The following UBIAD1 variants were observed in gnomAD, a reference collection of about 807,000 sequenced individuals.
The protein encoded by UBIAD1 is UbiA prenyltransferase domain containing 1.
UBIAD1 carries 12 observed loss-of-function variants against 20.1 expected under a neutral mutation model. The ratio of observed to expected loss-of-function variants is 0.60; its 90% CI spans 0.38 to 0.97. The LOEUF is 0.97. Among genes scored for constraint, UBIAD1 ranks in the 50% least tolerant of loss-of-function variants. UBIAD1 has a pLI of 0.00. For synonymous variants in UBIAD1, 207 were observed against 189.2 expected (o/e 1.09, Z -0.77); for missense variants, 333 against 419.5 (o/e 0.79, Z 1.80).
chr1:11,274,103 T>A, intron 1 of UBIAD1, 43 bp downstream of exon 1: 1 of 1,611,904 alleles, frequency 6.2e-7, no homozygotes, highest in Non-Finnish European at 8.5e-7. Flanking sequence ...CTTAGTCGCG[T>A]CCACTGGAAA....
downstream of UBIAD1, among the ~76,000 whole-genome samples, chr1:11,296,298 T>A (rs1376195170): frequency 6.6e-6 from 1 of 152,036 alleles, no homozygotes; most frequent in Non-Finnish European, 1.5e-5. Context: ...GGCTTTCGAG[T>A]CTGGCAGCAC....
At chr1:11,290,684 A>G (rs887531433), downstream of UBIAD1, among the ~76,000 whole-genome samples, 29 of 152,206 alleles carry the variant, frequency 1.9e-4, no homozygotes. Flanking sequence ...TTACTCCTGT[A>G]TTAAAACCAC....
At chr1:11,277,701 A>T (rs1404336915) in intron 1 of UBIAD1, among the ~76,000 whole-genome samples, 6 of 152,184 alleles carry the variant, frequency 3.9e-5, no homozygotes, top group Non-Finnish European at 8.8e-5. Context: ...AGGCTGGAGT[A>T]CAATGGCACG....
intron 1 of UBIAD1, among the ~76,000 whole-genome samples, chr1:11,277,004 A>G (rs1004818582): frequency 2.6e-5 from 4 of 152,116 alleles, no homozygotes; most frequent in African/African-American, 9.7e-5. Flanking sequence ...TGGGAGGCTG[A>G]GGCAGGCAGA....
intron 1 of UBIAD1, among the ~76,000 whole-genome samples, chr1:11,274,873 G>A (rs1651950027): frequency 6.6e-6 from 1 of 151,200 alleles, no homozygotes; most frequent in South Asian, 2.1e-4. Flanking sequence ...CTCCCAAAGT[G>A]CTGGGATTAC....
Position 11,278,245 on chromosome 1 carries a change from A to G in UBIAD1, c.529+4185A>G, listed in dbSNP as rs181308476. 6.4e-3 allele frequency among the ~76,000 whole-genome samples: 981 copies of G among 152,336 alleles called. 40 individuals carry two copies. The highest frequency in any genetic ancestry group is 0.056 in the Admixed American group (858 of 15,296). On this transcript the variant is annotated intron_variant, in intron 1 of 1. Coordinates refer to ENST00000376810, the MANE Select transcript of UBIAD1 (RefSeq NM_013319.3). ...AGTGCTGGGATTACAGACATGAGCC[A>G]CTGTGCCCAGCCCTGTTTTCTTTAT... is the stretch of plus-strand genomic sequence containing the variant.
At position 11,294,785 on chromosome 1, in the gene UBIAD1, C is replaced by T. The variant is rs1326207853; in HGVS notation, c.530-88C>T. 10 of 716,950 alleles carry T rather than the reference C, an allele frequency of 1.4e-5. 1 individual carries two copies. Among genetic ancestry groups the T allele is most frequent in the South Asian group, 1.0e-4 (7 of 67,548 alleles). 44.4% of individuals were successfully genotyped at this position (716,950 alleles called of 1,614,324 possible). On this transcript the variant is annotated intron_variant, in intron 1 of 1. Coordinates refer to the UBIAD1 transcript ENST00000376804. ...ATGGAGAGTGGCTCCTGCCTACCCA[C>T]GATGATGGAGGCGAAGGTTCAGTCT...
chr1:11,285,879 G>A lies in UBIAD1; in HGVS notation c.765G>A (p.Thr255=), dbSNP rs777723270. 1.7e-5 allele frequency: 27 copies of A among 1,614,000 alleles called. No individual in the cohort carries two copies. The highest frequency in any genetic ancestry group is 1.1e-4 in the East Asian group (5 of 44,890). ...CGCTGGCCATCCTCATCGGCCCCAC[G>A]TTCTCCTACATTCTCTACAACACAC... is the stretch of plus-strand genomic sequence containing the variant. The part of the protein sequence containing the change: ...IVTLAILIGP[T]FSYILYNTLL... The change falls in exon 2 of 2, where the codon ACG becomes ACA. Residue 255 remains threonine (T), a synonymous_variant. Coordinates refer to ENST00000376810, the MANE Select transcript of UBIAD1 (RefSeq NM_013319.3). This position sits in a 1 kb window ranked among gnomAD's most constrained non-coding sequence, Gnocchi z 4.4.
At chr1:11,293,564 A>G (rs1471844475) in intron 1 of UBIAD1, 1 of 152,316 alleles carries the variant, frequency 6.6e-6, no homozygotes, top group Non-Finnish European at 1.5e-5. Flanking sequence ...TGGGCCCTCC[A>G]GGGCTGACTG....
At chr1:11,277,460 C>T (rs191242323) in intron 1 of UBIAD1, among the ~76,000 whole-genome samples, 4 of 151,640 alleles carry the variant, frequency 2.6e-5, no homozygotes, top group African/African-American at 4.8e-5. Context: ...TTAGTAGAGA[C>T]GGGGTTTCGC....
chr1:11,293,370 A>G (rs903354870), downstream of UBIAD1: 5 of 152,234 alleles, frequency 3.3e-5, no homozygotes, highest in African/African-American at 1.2e-4. Context: ...AAAGCATAGC[A>G]TGTGTTACTC....
At chr1:11,275,058 C>CAG (rs1322484306) in intron 1 of UBIAD1, among the ~76,000 whole-genome samples, 9 of 152,112 alleles carry the variant, frequency 5.9e-5, no homozygotes, top group Admixed American at 5.9e-4. Context: ...TTGCAAGAGG[C>CAG]TGATTAAGGT....
chr1:11,277,094 G>T (rs1171142952), intron 1 of UBIAD1, among the ~76,000 whole-genome samples: 5 of 151,830 alleles, frequency 3.3e-5, no homozygotes, highest in Non-Finnish European at 7.4e-5. Flanking sequence ...AAAATAAGCT[G>T]GGCATGGTGG....
downstream of UBIAD1, among the ~76,000 whole-genome samples, chr1:11,297,286 G>A (rs903971144): frequency 2.6e-5 from 4 of 152,168 alleles, no homozygotes; most frequent in Non-Finnish European, 5.9e-5. Context: ...TGATCAAAGA[G>A]ACCCCAGGGA....
Position 11,274,362 on chromosome 1 carries a change from G to A in UBIAD1, c.529+302G>A, listed in dbSNP as rs200751514. 1.5e-4 allele frequency among the ~76,000 whole-genome samples: 23 copies of A among 151,582 alleles called. No homozygotes were observed. In the East Asian group the frequency reaches 4.5e-3, roughly 30 times the overall value. On this transcript the variant is annotated intron_variant, in intron 1 of 1. Transcript: ENST00000376810. Reference sequence around the variant, plus strand: ...CGCCCAGGCTGGAGTGCAGTGGTGCGATCTCGGCCCACTGCAGCCTCTGCC... The same window carrying A: ...CGCCCAGGCTGGAGTGCAGTGGTGCAATCTCGGCCCACTGCAGCCTCTGCC...
At chr1:11,294,853 A>T in intron 1 of UBIAD1, 1 of 717,460 alleles carries the variant, frequency 1.4e-6, no homozygotes, top group Non-Finnish European at 2.6e-6. Context: ...GTCTGTCCTC[A>T]TTCGTCTCGT....
chr1:11,286,070 T>A lies in UBIAD1; in HGVS notation c.956T>A (p.Leu319Gln), dbSNP rs550858306. ...AGGACTGCCAAGCTCAACCTCCTGC[T>A]GGGACTTTTCTATGTCTTTGGCATC... The part of the protein sequence containing the change: ...PQRTAKLNLL[L>Q]GLFYVFGIIL... The change falls in exon 2 of 2, where the codon CTG becomes CAG. Residue 319 changes from leucine to glutamine, a missense_variant. Leu to Gln is a moderately radical substitution (Grantham distance 113). Around this residue, in one of 3 missense-constraint regions of UBIAD1, gnomAD observed 226 missense variants for 263.5 expected, o/e 0.86. Transcript: ENST00000376810. The A allele has an allele frequency of 6.2e-7, 1 of 1,614,190 alleles. No individual in the cohort carries two copies. Among genetic ancestry groups the A allele is most frequent in the East Asian group, 2.2e-5 (1 of 44,888 alleles).
At chr1:11,299,530 A>G (rs1269896286), downstream of UBIAD1, among the ~76,000 whole-genome samples, 1 of 152,178 alleles carries the variant, frequency 6.6e-6, no homozygotes, top group African/African-American at 2.4e-5. Flanking sequence ...GTTGCCTTTT[A>G]TAATTCTCGT....
At chr1:11,277,206 G>A (rs931743247) in intron 1 of UBIAD1, among the ~76,000 whole-genome samples, 5 of 151,530 alleles carry the variant, frequency 3.3e-5, no homozygotes, top group Non-Finnish European at 5.9e-5. Context: ...ATTCCAGCCT[G>A]GGCAACAGAA....
Sources: allele counts gnomAD v4.1 joint callset (sites outside exome capture counted in the v4.1 genomes callset), GRCh38; gene constraint gnomAD v4.1.1; regional missense constraint gnomAD v4.1.1; non-coding constraint Gnocchi (gnomAD v3.1); transcripts MANE v1.5; gene names NCBI Gene and HGNC (gene_info 2026-07-23, HGNC 2026-07-21).